Variants in GDPD3 observed in about 807,000 individuals in gnomAD.
GDPD3 encodes lysophospholipase D GDPD3.
In GDPD3, 40 loss-of-function variants were observed where a neutral mutation model predicts 43.7. That is an observed-to-expected ratio of 0.91 (90% CI 0.71 to 1.19). GDPD3 has a LOEUF of 1.19. Ranked by LOEUF, GDPD3 falls within the 50% of genes most tolerant of loss-of-function variation. GDPD3 has a pLI of 0.00. For synonymous variants in GDPD3, 145 were observed against 162.9 expected (o/e 0.89, Z 0.84); for missense variants, 363 against 415.8 (o/e 0.87, Z 1.11).
In GDPD3 at chr16:30,104,859, G is replaced by C. The variant is rs367928539; in HGVS notation, c.*13C>G. 1.2e-6 allele frequency: 2 copies of C among 1,611,054 alleles called. No homozygotes were observed. The highest frequency in any genetic ancestry group is 1.1e-5 in the South Asian group (1 of 90,968). On this transcript the variant is annotated 3_prime_UTR_variant, in exon 10 of 10. Transcript: ENST00000406256. ...TTCAGGAAGAGAAACAGGAGACCTC[G>C]AGGCTTCTGGACTTAGGAGGTCCGG...
Position 30,112,239 on chromosome 16 carries a change from A to T in GDPD3, c.484-18T>A, listed in dbSNP as rs368273652. On this transcript the variant is annotated intron_variant, in intron 5 of 9. Transcript: ENST00000406256. The surrounding 1 kb of genome is among the most constrained non-coding windows in gnomAD (Gnocchi z 5.4). ...CCTGCTATCTGGGAGGAGGAGAAGG[A>T]GGTGAAGGGAGAGCCAGGCCTCTCT... 3 of 1,613,722 alleles carry T rather than the reference A, an allele frequency of 1.9e-6. No homozygotes were observed. Among genetic ancestry groups the T allele is most frequent in the African/African-American group, 1.3e-5 (1 of 75,042 alleles).
chr16:30,113,406 G>GT lies in GDPD3; in HGVS notation c.72_73insA (p.Arg25ThrfsTer63). The GT allele has an allele frequency of 6.2e-7, 1 of 1,612,530 alleles. No individual in the cohort carries two copies. Among genetic ancestry groups the GT allele is most frequent in the Non-Finnish European group, 8.5e-7 (1 of 1,179,070 alleles). On this transcript the variant is annotated frameshift_variant, in exon 1 of 10. Transcript: ENST00000406256. LOFTEE classifies it high-confidence loss of function. This position sits in a 1 kb window ranked among gnomAD's most constrained non-coding sequence, Gnocchi z 5.9. ...CTGGGCGTGTGCAGCAGATGAGGCC[G>GT]GCGCAGGAAGAAGATGGAGAGCATG... is the stretch of plus-strand genomic sequence containing the variant.
chr16:30,112,170 A>G lies in GDPD3; in HGVS notation c.535T>C (p.Ser179Pro). 1 of 1,614,072 alleles carries G rather than the reference A, an allele frequency of 6.2e-7. No individual in the cohort carries two copies. Among genetic ancestry groups the G allele is most frequent in the East Asian group, 2.2e-5 (1 of 44,850 alleles). ...TTCTTCATGACCGAGCTCTTCTCCGAGGCCCAGATGGTGATTTCATTACGG... is the reference window on the plus strand; with the variant it reads ...TTCTTCATGACCGAGCTCTTCTCCGGGGCCCAGATGGTGATTTCATTACGG... ...YDRNEITIWA[S>P]EKSSVMKKCK... The change falls in exon 6 of 10, where the codon TCG becomes CCG. Residue 179 changes from serine (S) to proline (P), a missense_variant. By Grantham distance (74) the Ser-to-Pro change is moderately conservative. Coordinates refer to ENST00000406256, the MANE Select transcript of GDPD3 (RefSeq NM_024307.3). This position sits in a 1 kb window ranked among gnomAD's most constrained non-coding sequence, Gnocchi z 5.4.
chr16:30,111,586 T>C lies in GDPD3; in HGVS notation c.574-65A>G, dbSNP rs2072900193. The C allele has an allele frequency of 5.7e-6, 9 of 1,573,018 alleles. No homozygotes were observed. The Admixed American group carries it at 8.6e-5, about 15-fold the overall frequency. On this transcript the variant is annotated intron_variant, in intron 6 of 9. Coordinates refer to ENST00000406256, the MANE Select transcript of GDPD3 (RefSeq NM_024307.3). ...GGGGAAGCAGAGAGGAGGCATGAGCTGCAGGGGAGCCGTGGTGGGCATTCC... is the reference window on the plus strand; with the variant it reads ...GGGGAAGCAGAGAGGAGGCATGAGCCGCAGGGGAGCCGTGGTGGGCATTCC...
chr16:30,113,094 G>T lies in GDPD3; in HGVS notation c.140-30C>A. ...GGGGGGCACTGGAGTGGGCCTCTGG[G>T]GCTTGGGGTCTAGGGGCCTGGCCCA... On this transcript the variant is annotated intron_variant, in intron 1 of 9. Coordinates refer to ENST00000406256, the MANE Select transcript of GDPD3 (RefSeq NM_024307.3). The surrounding 1 kb of genome is among the most constrained non-coding windows in gnomAD (Gnocchi z 5.9). 9 of 1,600,860 alleles carry T rather than the reference G, an allele frequency of 5.6e-6. No individual in the cohort carries two copies. The highest frequency in any genetic ancestry group is 2.2e-5 in the East Asian group (1 of 44,830).
At chr16:30,105,735 C>T (rs2072855581) in intron 9 of GDPD3, among the ~76,000 whole-genome samples, 2 of 149,570 alleles carry the variant, frequency 1.3e-5, no homozygotes, top group African/African-American at 4.9e-5. Flanking sequence ...GATCTCCTAA[C>T]CTCGTGATCC....
intron 7 of GDPD3, chr16:30,111,159 C>T (rs1026070733): frequency 6.0e-6 from 3 of 496,914 alleles, no homozygotes; most frequent in African/African-American, 5.9e-5. Context: ...TGCTAGATGG[C>T]CTGAGATGGA....
chr16:30,113,171 C>T lies in GDPD3; in HGVS notation c.140-107G>A. The T allele has an allele frequency of 1.5e-6, 2 of 1,363,450 alleles. No individual in the cohort carries two copies. Among genetic ancestry groups the T allele is most frequent in the East Asian group, 2.3e-5 (1 of 43,578 alleles). 84.5% of individuals were successfully genotyped at this position (1,363,450 alleles called of 1,614,324 possible). A position where few individuals can be genotyped will look rare whatever the true frequency, so the allele number is the denominator to read the frequency against. On this transcript the variant is annotated intron_variant, in intron 1 of 9. Coordinates refer to ENST00000406256, the MANE Select transcript of GDPD3 (RefSeq NM_024307.3). The surrounding 1 kb of genome is among the most constrained non-coding windows in gnomAD (Gnocchi z 5.9). Reference sequence around the variant, plus strand: ...GGCTCCATCCTCCCTCTGGCCTCACCTCCCCAGCCAGCCCAGGCTGCGCCA... The same window carrying T: ...GGCTCCATCCTCCCTCTGGCCTCACTTCCCCAGCCAGCCCAGGCTGCGCCA...
intron 9 of GDPD3, among the ~76,000 whole-genome samples, chr16:30,107,519 A>C (rs1400416645): frequency 6.6e-6 from 1 of 152,100 alleles, no homozygotes; most frequent in Admixed American, 6.6e-5. Context: ...GGTGGAAGCC[A>C]ATGCTCAGGG....
chr16:30,112,842 G>T lies in GDPD3; in HGVS notation c.183-49C>A. On this transcript the variant is annotated intron_variant, in intron 2 of 9. Transcript: ENST00000406256. The surrounding 1 kb of genome is among the most constrained non-coding windows in gnomAD (Gnocchi z 5.4). The stretch of plus-strand genomic sequence containing the variant: ...GGGCAGGGGCAGGGGACTGGGATGA[G>T]GGGCATGGTGGCTGGGAGGTGGCCG... 6.3e-7 allele frequency: 1 copy of T among 1,588,360 alleles called. No homozygotes were observed. Among genetic ancestry groups the T allele is most frequent in the Non-Finnish European group, 8.6e-7 (1 of 1,165,816 alleles).
chr16:30,113,417 A>ATG lies in GDPD3; in HGVS notation c.61_62insCA (p.Phe21SerfsTer57). 6.2e-7 allele frequency: 1 copy of ATG among 1,612,008 alleles called. No homozygotes were observed. Among genetic ancestry groups the ATG allele is most frequent in the Non-Finnish European group, 8.5e-7 (1 of 1,178,722 alleles). On this transcript the variant is annotated frameshift_variant, in exon 1 of 10. Transcript: ENST00000406256. LOFTEE classifies it high-confidence loss of function. The surrounding 1 kb of genome is among the most constrained non-coding windows in gnomAD (Gnocchi z 5.9). ...CAGCAGATGAGGCCGGCGCAGGAAG[A>ATG]AGATGGAGAGCATGGCATAGCTGCC... is the stretch of plus-strand genomic sequence containing the variant.
At chr16:30,111,956 A>G in intron 6 of GDPD3, 176 bp downstream of exon 6, 2 of 606,304 alleles carry the variant, frequency 3.3e-6, no homozygotes, top group Non-Finnish European at 5.9e-6. Flanking sequence ...AACAAAAGTC[A>G]CATCTTGGCT....
intron 7 of GDPD3, among the ~76,000 whole-genome samples, chr16:30,109,031 C>G (rs565501838): frequency 6.6e-6 from 1 of 151,976 alleles, no homozygotes; most frequent in African/African-American, 2.4e-5. Context: ...AGGGTTTCAC[C>G]CTGTTAGCCA....
At chr16:30,111,589 A>G in intron 6 of GDPD3, 68 bp from the exon 7 acceptor site, 1 of 1,563,584 alleles carries the variant, frequency 6.4e-7, no homozygotes, top group Non-Finnish European at 8.8e-7. Flanking sequence ...CATGAGCTGC[A>G]GGGGAGCCGT....
chr16:30,111,333 C>G (rs1391690414), intron 7 of GDPD3, 55 bp downstream of exon 7: 1 of 1,587,210 alleles, frequency 6.3e-7, no homozygotes. Context: ...GGCTCCTTCT[C>G]CACGGAGACC....
At chr16:30,107,977 G>A (rs1004818071) in intron 9 of GDPD3, 8 of 321,356 alleles carry the variant, frequency 2.5e-5, no homozygotes, top group African/African-American at 1.5e-4. Flanking sequence ...GTGACAGAGT[G>A]AGACTCTTGA....
Position 30,112,932 on chromosome 16 carries a change from G to C in GDPD3, c.182+90C>G. 9 of 1,489,212 alleles carry C rather than the reference G, an allele frequency of 6.0e-6. No homozygotes were observed. In the South Asian group the frequency reaches 1.0e-4, roughly 17 times the overall value. The allele number at this position is 1,489,212 out of a possible 1,614,324, so 92.2% of individuals were successfully genotyped here. ...ACCTCCAGGGGGCGCCAGTCACCCAGCTAGGAAGTGAATGGCGTCCCTTGC... is the reference window on the plus strand; with the variant it reads ...ACCTCCAGGGGGCGCCAGTCACCCACCTAGGAAGTGAATGGCGTCCCTTGC... On this transcript the variant is annotated intron_variant, in intron 2 of 9. Transcript: ENST00000406256. The surrounding 1 kb of genome is among the most constrained non-coding windows in gnomAD (Gnocchi z 5.4).
chr16:30,113,271 C>T lies in GDPD3; in HGVS notation c.139+69G>A. 6.6e-7 allele frequency: 1 copy of T among 1,524,224 alleles called. No homozygotes were observed. The highest frequency in any genetic ancestry group is 8.8e-7 in the Non-Finnish European group (1 of 1,131,528). The allele number at this position is 1,524,224 out of a possible 1,614,324, so 94.4% of individuals were successfully genotyped here. ...CTCTTGGTCCCTGCCCCGTTTCTAG[C>T]ATGCCCCCTTGGACCTACCCCTCTG... On this transcript the variant is annotated intron_variant, in intron 1 of 9. Transcript: ENST00000406256. The surrounding 1 kb of genome is among the most constrained non-coding windows in gnomAD (Gnocchi z 5.9).
chr16:30,109,850 C>T (rs776504290), intron 7 of GDPD3, among the ~76,000 whole-genome samples: 15 of 152,146 alleles, frequency 9.9e-5, no homozygotes, highest in Non-Finnish European at 1.9e-4. Flanking sequence ...ACCTCGTGAG[C>T]CACTGTGCCC....
Sources: gnomAD v4.1 joint callset for allele counts (sites outside exome capture counted in the v4.1 genomes callset) on GRCh38, gnomAD v4.1.1 for gene constraint, Gnocchi (gnomAD v3.1) non-coding constraint, MANE v1.5 for transcripts, NCBI Gene and HGNC (gene_info 2026-07-23, HGNC 2026-07-21) for gene names.